The following ADK variants were observed in gnomAD, a reference collection of about 807,000 sequenced individuals.
ADK encodes the protein adenosine kinase, also known as N6,N6-dimethyladenosine kinase.
Under a neutral mutation model 44.7 loss-of-function variants are expected in ADK, and 24 were observed. That is an observed-to-expected ratio of 0.54 (90% confidence interval 0.39 to 0.76). The LOEUF (loss-of-function observed/expected upper bound fraction) is 0.76. ADK is among the 30% of genes least tolerant of loss of function. The probability of loss-of-function intolerance (pLI) is 0.00; values close to 1 mark genes in which losing one functional copy is unlikely to be tolerated. For synonymous variants in ADK, 128 were observed against 142.6 expected (o/e 0.90, Z 0.73); for missense variants, 321 against 425.1 (o/e 0.76, Z 2.15).
chr10:74,280,801 G>A (rs1311442616), intron 3 of ADK, among the ~76,000 whole-genome samples: 2 of 152,048 alleles, frequency 1.3e-5, no homozygotes, highest in African/African-American at 4.8e-5. Context: ...GTTTTAGTGA[G>A]GTTTCAGGAG....
intron 3 of ADK, among the ~76,000 whole-genome samples, chr10:74,289,527 G>A (rs12254751): frequency 0.045 from 6,837 of 152,148 alleles, 537 homozygotes; most frequent in African/African-American, 0.16. Flanking sequence ...TTAAAAAGTA[G>A]CATGTTTCTT....
At chr10:74,633,661 A>G (rs150769012) in intron 9 of ADK, among the ~76,000 whole-genome samples, 127 of 152,334 alleles carry the variant, frequency 8.3e-4, no homozygotes, top group African/African-American at 2.8e-3. Context: ...GCCCTTCTTC[A>G]GGTAGCAATT....
intron 6 of ADK, among the ~76,000 whole-genome samples, chr10:74,415,579 A>T (rs1013066688): frequency 1.3e-5 from 2 of 152,132 alleles, no homozygotes; most frequent in African/African-American, 4.8e-5. Flanking sequence ...GTTGAATTTA[A>T]TCTTTCTTAT....
At chr10:74,391,439 G>A (rs1006411171) in intron 4 of ADK, among the ~76,000 whole-genome samples, 15 of 151,880 alleles carry the variant, frequency 9.9e-5, no homozygotes, top group Middle Eastern at 3.4e-3. Context: ...TCATAGAAAA[G>A]CATTTTTCAT....
rs543866442 is a variant in ADK at position 74,339,221 on chromosome 10, A to G, written c.273+24476A>G. On this transcript the variant is annotated intron_variant, in intron 4 of 10. Transcript: ENST00000539909. The stretch of plus-strand genomic sequence containing the variant: ...AGCAGTCCTTCTGCCTTGGCCTTCT[A>G]AAGTGCTGGGATTACAGGGGTGAGC... Among the ~76,000 whole-genome samples the G allele has an allele frequency of 2.1e-3, 317 of 152,214 alleles. 1 individual carries two copies. The highest frequency in any genetic ancestry group is 3.3e-3 in the African/African-American group (136 of 41,530).
chr10:74,342,090 C>T (rs1207204088), intron 4 of ADK, among the ~76,000 whole-genome samples: 4 of 152,112 alleles, frequency 2.6e-5, no homozygotes, highest in Admixed American at 2.6e-4. Context: ...TACATTAGCT[C>T]TCACCCACTC....
intron 6 of ADK, among the ~76,000 whole-genome samples, chr10:74,447,954 A>G (rs2133172252): frequency 6.6e-6 from 1 of 152,274 alleles, no homozygotes; most frequent in African/African-American, 2.4e-5. Context: ...GGGGTGGATC[A>G]CCTGAGGTCA....
chr10:74,226,211 G>A (rs1844532855), intron 3 of ADK, among the ~76,000 whole-genome samples: 2 of 151,870 alleles, frequency 1.3e-5, no homozygotes, highest in Non-Finnish European at 2.9e-5. Context: ...GGGTTCAAGC[G>A]ATTCTCCTGC....
At chr10:74,627,676 G>A (rs2134048300) in intron 9 of ADK, among the ~76,000 whole-genome samples, 1 of 152,142 alleles carries the variant, frequency 6.6e-6, no homozygotes, top group South Asian at 2.1e-4. Flanking sequence ...TGTCACCCAG[G>A]CTGGAGTGTG....
At chr10:74,421,507 G>A (rs1413579078) in intron 6 of ADK, among the ~76,000 whole-genome samples, 1 of 152,164 alleles carries the variant, frequency 6.6e-6, no homozygotes, top group East Asian at 1.9e-4. Context: ...ATAGATGCAT[G>A]TGTATATGTG....
At chr10:74,317,035 C>G (rs1183787345) in intron 4 of ADK, among the ~76,000 whole-genome samples, 1 of 152,158 alleles carries the variant, frequency 6.6e-6, no homozygotes, top group African/African-American at 2.4e-5. Flanking sequence ...ATCATACTTT[C>G]ATGTATCAAG....
chr10:74,445,919 A>G (rs1055377702), intron 6 of ADK, among the ~76,000 whole-genome samples: 2 of 149,884 alleles, frequency 1.3e-5, no homozygotes, highest in African/African-American at 4.8e-5. Flanking sequence ...AGCTATTTAA[A>G]TTTAAATACA....
intron 7 of ADK, among the ~76,000 whole-genome samples, chr10:74,534,947 A>G (rs988623744): frequency 9.9e-5 from 15 of 152,222 alleles, no homozygotes; most frequent in African/African-American, 3.1e-4. Flanking sequence ...ATTATTTAAC[A>G]TTATATATTC....
At chr10:74,426,834 G>A (rs1321713698) in intron 6 of ADK, among the ~76,000 whole-genome samples, 1 of 151,440 alleles carries the variant, frequency 6.6e-6, no homozygotes, top group Non-Finnish European at 1.5e-5. Context: ...GGATACATGT[G>A]CAGAATGTAC....
intron 10 of ADK, among the ~76,000 whole-genome samples, chr10:74,681,098 C>T (rs1855586131): frequency 6.6e-6 from 1 of 152,162 alleles, no homozygotes; most frequent in South Asian, 2.1e-4. Context: ...AACAATGTTA[C>T]CATCATCTTA....
chr10:74,370,427 T>C (rs1263228061), intron 4 of ADK, among the ~76,000 whole-genome samples: 1 of 152,172 alleles, frequency 6.6e-6, no homozygotes, highest in African/African-American at 2.4e-5. Context: ...ATGGTGTATG[T>C]TTTCTCCCAT....
chr10:74,160,332 A>G (rs749447107), intron 1 of ADK, among the ~76,000 whole-genome samples: 1 of 152,142 alleles, frequency 6.6e-6, no homozygotes, highest in Non-Finnish European at 1.5e-5. Context: ...CTGCCTCTTA[A>G]TTTGTATATA....
At chr10:74,667,529 G>C (rs1302768975) in intron 9 of ADK, among the ~76,000 whole-genome samples, 1 of 140,346 alleles carries the variant, frequency 7.1e-6, no homozygotes, top group Non-Finnish European at 1.5e-5. Flanking sequence ...AATAAGTCAT[G>C]ATTTTTTTTT....
chr10:74,525,612 T>C (rs1849005517), intron 7 of ADK, among the ~76,000 whole-genome samples, 186 bp downstream of exon 7: 1 of 152,172 alleles, frequency 6.6e-6, no homozygotes, highest in Non-Finnish European at 1.5e-5. Flanking sequence ...TCCTTCAGTA[T>C]ATACTAACTT....
Sources: gnomAD v4.1 joint callset for allele counts (sites outside exome capture counted in the v4.1 genomes callset) on GRCh38, gnomAD v4.1.1 for gene constraint, MANE v1.5 for transcripts, NCBI Gene and HGNC (gene_info 2026-07-23, HGNC 2026-07-21) for gene names.